The following CLMN variants were observed in gnomAD, a reference collection of about 807,000 sequenced individuals.
CLMN encodes calmin, also known as calmin (calponin-like, transmembrane).
CLMN carries 57 observed loss-of-function variants against 92.7 expected under a neutral mutation model. The observed-to-expected ratio is 0.61, with a 90% confidence interval of 0.50 to 0.77. The LOEUF (loss-of-function observed/expected upper bound fraction) is 0.77, where lower values mean the gene tolerates loss of function less well. Ranked by LOEUF, CLMN falls within the 30% of genes least tolerant of loss-of-function variation. The probability of loss-of-function intolerance (pLI) is 0.00; values close to 1 mark genes in which losing one functional copy is unlikely to be tolerated. For missense variants in CLMN, 1,158 were observed against 1,237.5 expected (o/e 0.94, Z 0.96); for synonymous variants, 466 against 470.6 (o/e 0.99, Z 0.13).
intron 1 of CLMN, among the ~76,000 whole-genome samples, chr14:95,284,081 G>A (rs1900246159): frequency 6.6e-6 from 1 of 152,152 alleles, no homozygotes; most frequent in Admixed American, 6.5e-5. Flanking sequence ...TAGGGACTTG[G>A]TGCCCTGTGT....
chr14:95,240,066 C>G (rs1287279820), intron 1 of CLMN, among the ~76,000 whole-genome samples: 1 of 152,192 alleles, frequency 6.6e-6, no homozygotes, highest in Non-Finnish European at 1.5e-5. Flanking sequence ...GAGCAATAGG[C>G]TGCACCATAG....
intron 1 of CLMN, among the ~76,000 whole-genome samples, chr14:95,244,234 C>T (rs150758512): frequency 9.8e-5 from 15 of 152,318 alleles, no homozygotes; most frequent in South Asian, 4.2e-4. Flanking sequence ...TACAGCTTCT[C>T]ATCCAACACT....
intron 2 of CLMN, 46 bp downstream of exon 2, chr14:95,230,026 T>C (rs770338728): frequency 6.4e-7 from 1 of 1,567,026 alleles, no homozygotes; most frequent in South Asian, 1.1e-5. Context: ...GTAAATTCAG[T>C]TACAGATGAA....
chr14:95,307,704 C>T (rs1169124263), intron 1 of CLMN: 1 of 152,332 alleles, frequency 6.6e-6, no homozygotes, highest in South Asian at 2.1e-4. Context: ...CAGAGTTAAA[C>T]TCACAGGCCA....
At chr14:95,258,382 T>C (rs1428581613) in intron 1 of CLMN, among the ~76,000 whole-genome samples, 1 of 149,896 alleles carries the variant, frequency 6.7e-6, no homozygotes, top group African/African-American at 2.5e-5. Flanking sequence ...TGTATATGTG[T>C]ATGTGTGGTG....
In CLMN at chr14:95,220,615, C is replaced by G. The variant is rs375548323; in HGVS notation, c.324+1076G>C. On this transcript the variant is annotated intron_variant, in intron 4 of 12. Coordinates refer to ENST00000298912, the MANE Select transcript of CLMN (RefSeq NM_024734.4). ...CACCATCTGAACCTCCCCTCTGTGC[C>G]TGGGACTTTCTCCTAGAACTACTGG... Among the ~76,000 whole-genome samples, 6 of 152,052 alleles carry G rather than the reference C, an allele frequency of 3.9e-5. No individual in the cohort carries two copies. The East Asian group carries it at 5.8e-4, about 15-fold the overall frequency.
rs1013889408 is a variant in CLMN, at chr14:95,202,778, C to T, written c.2511+60G>A. ...ATGGAGCAAGAAGCTGAGCTTCAGA[C>T]AAAGAACTATCAAGTTTCCCAGGCA... is the stretch of plus-strand genomic sequence containing the variant. On this transcript the variant is annotated intron_variant, in intron 9 of 12. Coordinates refer to ENST00000298912, the MANE Select transcript of CLMN (RefSeq NM_024734.4). 26 of 1,472,376 alleles carry T rather than the reference C, an allele frequency of 1.8e-5. No individual in the cohort carries two copies. In the African/African-American group the frequency reaches 3.0e-4, roughly 17 times the overall value. The allele number at this position is 1,472,376 out of a possible 1,614,324, so 91.2% of individuals were successfully genotyped here.
chr14:95,193,326 G>A (rs553409738), intron 12 of CLMN: 1 of 1,532,426 alleles, frequency 6.5e-7, no homozygotes, highest in Non-Finnish European at 8.7e-7. Flanking sequence ...TACTTTCATA[G>A]ACATCCTGGC....
Position 95,259,173 on chromosome 14 carries a change from G to A in CLMN, c.83-29040C>T, listed in dbSNP as rs1040106715. The stretch of plus-strand genomic sequence containing the variant: ...GGGAGTTGGTGCTGCATGGCAGGCT[G>A]GAGCGGAGAGCTGTGCCGGCCAGCA... On this transcript the variant is annotated intron_variant, in intron 1 of 12. Transcript: ENST00000298912. The surrounding 1 kb of genome is among the most constrained non-coding windows in gnomAD (Gnocchi z 4.3). 6.6e-5 allele frequency among the ~76,000 whole-genome samples: 10 copies of A among 152,042 alleles called. No individual in the cohort carries two copies. Among genetic ancestry groups the A allele is most frequent in the Admixed American group, 2.6e-4 (4 of 15,266 alleles).
rs1183784744 is a variant in CLMN, at chr14:95,203,833, A to G, written c.1516T>C (p.Ser506Pro). The G allele has an allele frequency of 2.5e-6, 4 of 1,614,092 alleles. No homozygotes were observed. The Admixed American group carries it at 6.7e-5, about 27-fold the overall frequency. Residue 506 changes from serine to proline, a missense_variant, in exon 9 of 13, where the codon TCT becomes CCT. Physicochemically the swap from Ser to Pro is moderately conservative, Grantham distance 74 (BLOSUM62 -1). Transcript: ENST00000298912. ...VEGTNNNSQS[S>P]SCNGALESTA... ...CTCTCTAAAGCACCATTACAGGAAG[A>G]AGACTGAGAATTATTGTTTGTGCCC...
chr14:95,198,050 T>C (rs1294313060), intron 9 of CLMN, among the ~76,000 whole-genome samples: 1 of 139,696 alleles, frequency 7.2e-6, no homozygotes, highest in Non-Finnish European at 1.5e-5. Flanking sequence ...TTCTTTTTTT[T>C]TTTTTTTTTT....
intron 1 of CLMN, among the ~76,000 whole-genome samples, chr14:95,308,097 G>T (rs1433766937): frequency 1.3e-5 from 2 of 152,322 alleles, no homozygotes; most frequent in African/African-American, 2.4e-5. Context: ...ATCATTCAAG[G>T]TTATGAGAAT....
intron 1 of CLMN, among the ~76,000 whole-genome samples, chr14:95,269,535 G>A (rs1376537546): frequency 6.6e-6 from 1 of 152,222 alleles, no homozygotes; most frequent in African/African-American, 2.4e-5. Context: ...GCTGTGACAA[G>A]GTCATTGTGC....
At chr14:95,195,459 G>T (rs1477718452) in intron 10 of CLMN, among the ~76,000 whole-genome samples, 1 of 152,224 alleles carries the variant, frequency 6.6e-6, no homozygotes, top group Non-Finnish European at 1.5e-5. Context: ...CAAGGCAGAG[G>T]GAGGTGGAAA....
intron 2 of CLMN, among the ~76,000 whole-genome samples, chr14:95,227,345 C>T (rs1306940197): frequency 3.9e-5 from 6 of 152,176 alleles, no homozygotes; most frequent in South Asian, 2.1e-4. Flanking sequence ...AGGGCAACAG[C>T]GACTTTGAAC....
intron 1 of CLMN, among the ~76,000 whole-genome samples, chr14:95,273,219 TGTTCAGAAG>T (rs1407723334): frequency 6.6e-6 from 1 of 152,124 alleles, no homozygotes; most frequent in Non-Finnish European, 1.5e-5. Flanking sequence ...CCCCAGAGGA[TGTTCAGAAG>T]GCTTAGAGGC....
At position 95,183,126 on chromosome 14, in the gene CLMN, C is replaced by T. The variant is rs556285169; in HGVS notation, c.*8438G>A. On this transcript the variant is annotated 3_prime_UTR_variant, in exon 13 of 13. Transcript: ENST00000298912. Reference sequence around the variant, plus strand: ...TAAAAGAAGTCTTCCCACTTCCAACCCAGAGAGGTAAATTCAAGGCATCTG... The same window carrying T: ...TAAAAGAAGTCTTCCCACTTCCAACTCAGAGAGGTAAATTCAAGGCATCTG... 8 of 152,300 alleles carry T rather than the reference C, an allele frequency of 5.3e-5. No homozygotes were observed. Among genetic ancestry groups the T allele is most frequent in the African/African-American group, 1.2e-4 (5 of 41,558 alleles). The allele number at this position is 152,300 out of a possible 1,614,324, so 9.4% of individuals were successfully genotyped here. A position where few individuals can be genotyped will look rare whatever the true frequency, so the allele number is the denominator to read the frequency against.
intron 1 of CLMN, among the ~76,000 whole-genome samples, chr14:95,236,076 C>T (rs1380001586): frequency 6.6e-6 from 1 of 152,118 alleles, no homozygotes; most frequent in Non-Finnish European, 1.5e-5. Flanking sequence ...CAGCAGCCGC[C>T]ACTTCCCATG....
chr14:95,262,995 T>C (rs1899318649), intron 1 of CLMN, among the ~76,000 whole-genome samples: 3 of 152,348 alleles, frequency 2.0e-5, no homozygotes, highest in Admixed American at 2.0e-4. Flanking sequence ...TTAACCACCC[T>C]GCAGTGACAG....
Sources: gnomAD v4.1 joint callset for allele counts (sites outside exome capture counted in the v4.1 genomes callset) on GRCh38, gnomAD v4.1.1 for gene constraint, Gnocchi (gnomAD v3.1) non-coding constraint, MANE v1.5 for transcripts, NCBI Gene and HGNC (gene_info 2026-07-23, HGNC 2026-07-21) for gene names.